The following CELF3 variants were observed in gnomAD, a reference collection of about 807,000 sequenced individuals.
The protein encoded by CELF3 is CAG repeat domain.
Under a neutral mutation model 59.6 loss-of-function variants are expected in CELF3, and 26 were observed. The ratio of observed to expected loss-of-function variants is 0.44; its 90% CI spans 0.32 to 0.61. The LOEUF is 0.61. Among genes scored for constraint, CELF3 ranks in the 20% least tolerant of loss-of-function variants. The probability of loss-of-function intolerance (pLI) is 0.06; values close to 1 mark genes in which losing one functional copy is unlikely to be tolerated. For missense variants in CELF3, 387 were observed against 627.2 expected, an observed-to-expected ratio of 0.62 and a Z score of 4.09; for synonymous variants, 245 against 250.7, an observed-to-expected ratio of 0.98 and a Z score of 0.22.
Position 151,708,995 on chromosome 1 carries a change from C to T in CELF3, c.486+3G>A. 2 of 1,613,096 alleles carry T rather than the reference C, an allele frequency of 1.2e-6. No homozygotes were observed. Among genetic ancestry groups the T allele is most frequent in the Non-Finnish European group, 1.7e-6 (2 of 1,179,754 alleles). Reference sequence around the variant, plus strand: ...GGCCCGGGGGCAGGGGAGTGGGGCTCACTGGCAGGGTCCGGCTGCTGTGAA... The same window carrying T: ...GGCCCGGGGGCAGGGGAGTGGGGCTTACTGGCAGGGTCCGGCTGCTGTGAA... On this transcript the variant is annotated splice_donor_region_variant and intron_variant, in intron 5 of 12. Coordinates refer to ENST00000290583, the MANE Select transcript of CELF3 (RefSeq NM_007185.7).
intron 12 of CELF3, 135 bp downstream of exon 12, chr1:151,704,896 A>G: frequency 1.1e-6 from 1 of 927,600 alleles, no homozygotes; most frequent in African/African-American, 1.6e-5. Flanking sequence ...CCCCTGCTTC[A>G]AGTGCCCAGG....
chr1:151,707,496 C>A lies in CELF3; in HGVS notation c.772+11G>T. 6.2e-7 allele frequency: 1 copy of A among 1,610,414 alleles called. No homozygotes were observed. ...GCTTAGCTCCCTTGCCCGGCCTTGC[C>A]CAGGCCATACCTGAGGATGGGGTGA... On this transcript the variant is annotated intron_variant, in intron 7 of 12. Coordinates refer to ENST00000290583, the MANE Select transcript of CELF3 (RefSeq NM_007185.7).
In CELF3 at chr1:151,706,673, G is replaced by A; in HGVS notation, c.984C>T (p.Tyr328=). ...LQQAYAGMQH[Y]TAAYPAAYSL... is the part of the protein sequence containing the mutation. ...GCCCTGGCTAGGGCGCCTCACCTGT[G>A]TAGTGCTGCATCCCCGCGTAGGCCT... Residue 328 remains tyrosine, a synonymous_variant, in exon 9 of 13, where the codon TAC becomes TAT. Coordinates refer to ENST00000290583, the MANE Select transcript of CELF3 (RefSeq NM_007185.7). 4 of 1,551,352 alleles carry A rather than the reference G, an allele frequency of 2.6e-6. No individual in the cohort carries two copies. Among genetic ancestry groups the A allele is most frequent in the Non-Finnish European group, 3.5e-6 (4 of 1,146,942 alleles).
At position 151,706,276 on chromosome 1, in the gene CELF3, A is replaced by T; in HGVS notation, c.1074T>A (p.Pro358=). Residue 358 remains proline, a synonymous_variant, in exon 10 of 13, where the codon CCT becomes CCA. Coordinates refer to ENST00000290583, the MANE Select transcript of CELF3 (RefSeq NM_007185.7). ...ALVAQQPPPP[P]QQQQQQQQQQ... is the part of the protein sequence containing the mutation. ...GCTGCTGCTGCTGCTGCTGCTGTTGAGGTGGTGGTGGGGGCTGCTGGGCGA... is the reference window on the plus strand; with the variant it reads ...GCTGCTGCTGCTGCTGCTGCTGTTGTGGTGGTGGTGGGGGCTGCTGGGCGA... The T allele has an allele frequency of 6.3e-7, 1 of 1,578,944 alleles. No individual in the cohort carries two copies. The highest frequency in any genetic ancestry group is 8.6e-7 in the Non-Finnish European group (1 of 1,163,656).
intron 6 of CELF3, 28 bp from the exon 7 acceptor site, chr1:151,707,676 C>T (rs748027524): frequency 1.3e-6 from 2 of 1,599,298 alleles, no homozygotes; most frequent in South Asian, 2.2e-5. Flanking sequence ...GAGAGTGGGG[C>T]AGGCCCCCTG....
chr1:151,712,225 C>T (rs569799627), intron 2 of CELF3, among the ~76,000 whole-genome samples: 7 of 152,308 alleles, frequency 4.6e-5, no homozygotes, highest in East Asian at 3.9e-4. Context: ...AGCCCTCCCT[C>T]GGGCCTCCCA....
chr1:151,707,257 G>T lies in CELF3; in HGVS notation c.810C>A (p.Val270=). ...STPPAIAATP[V]SAIPAALGVN... The stretch of plus-strand genomic sequence containing the variant: ...CGCCCAGGGCAGCCGGAATGGCAGA[G>T]ACAGGCGTGGCAGCGATGGCAGGAG... The change falls in exon 8 of 13, where the codon GTC becomes GTA. Residue 270 remains valine, a synonymous_variant. Transcript: ENST00000290583. 6.4e-7 allele frequency: 1 copy of T among 1,567,230 alleles called. No homozygotes were observed. The highest frequency in any genetic ancestry group is 8.6e-7 in the Non-Finnish European group (1 of 1,157,930).
Position 151,716,108 on chromosome 1 carries a change from G to A in CELF3, c.-88C>T. 4 of 1,374,926 alleles carry A rather than the reference G, an allele frequency of 2.9e-6. No individual in the cohort carries two copies. Among genetic ancestry groups the A allele is most frequent in the Middle Eastern group, 2.3e-4 (1 of 4,272 alleles). The allele number at this position is 1,374,926 out of a possible 1,614,324, so 85.2% of individuals were successfully genotyped here. The stretch of plus-strand genomic sequence containing the variant: ...GCCCAGCAAGGAGATAAGTGGTGGG[G>A]CCCGGGGGCCCAGCTGGGGCTGGCT... On this transcript the variant is annotated 5_prime_UTR_variant, in exon 1 of 13. Transcript: ENST00000290583.
rs1359725061 is a variant in CELF3, at chr1:151,705,991, A to G, written c.1127-26T>C. On this transcript the variant is annotated intron_variant, in intron 10 of 12. Coordinates refer to ENST00000290583, the MANE Select transcript of CELF3 (RefSeq NM_007185.7). This position sits in a 1 kb window ranked among gnomAD's most constrained non-coding sequence, Gnocchi z 5.1. Reference sequence around the variant, plus strand: ...CTGGGTGGCGACAGAGACAGAAGAAAGAGCTCAGTGACTGGGAGGCACACA... The same window carrying G: ...CTGGGTGGCGACAGAGACAGAAGAAGGAGCTCAGTGACTGGGAGGCACACA... 2 of 1,612,908 alleles carry G rather than the reference A, an allele frequency of 1.2e-6. No homozygotes were observed. The highest frequency in any genetic ancestry group is 1.7e-6 in the Non-Finnish European group (2 of 1,179,448).
At chr1:151,714,898 A>G (rs1201245414) in intron 1 of CELF3, among the ~76,000 whole-genome samples, 2 of 152,038 alleles carry the variant, frequency 1.3e-5, no homozygotes, top group Non-Finnish European at 2.9e-5. Context: ...GAGGGAGGAC[A>G]CTTGGGCTGT....
chr1:151,706,498 CAGACCCCTGGGTGTGCTGCCCTTAA>C, intron 9 of CELF3, 137 bp from the exon 10 acceptor site: 2 of 1,183,100 alleles, frequency 1.7e-6, no homozygotes, highest in East Asian at 5.1e-5. Flanking sequence ...GGAGCTGCCT[CAGACCCCTGGGTGTGCTGCCCTTAA>C]AGACCCCTCC....
chr1:151,702,797 TA>T lies in CELF3; in HGVS notation c.*661del, dbSNP rs1672179272. ...ACACAGAGGGAACCAGCAGAGACTG[TA>T]AACATTTTTAGGGGTTCAGGGGAAG... On this transcript the variant is annotated 3_prime_UTR_variant, in exon 13 of 13. Transcript: ENST00000290583. 5.1e-6 allele frequency: 1 copy of T among 197,268 alleles called. No homozygotes were observed. The highest frequency in any genetic ancestry group is 1.1e-5 in the Non-Finnish European group (1 of 93,538). The allele number at this position is 197,268 out of a possible 1,614,324, so 12.2% of individuals were successfully genotyped here. A position where few individuals can be genotyped will look rare whatever the true frequency, so the allele number is the denominator to read the frequency against.
In CELF3 at chr1:151,709,076, G is replaced by T. The variant is rs146781718; in HGVS notation, c.408C>A (p.Gly136=). Reference sequence around the variant, plus strand: ...GGGTCTGGAACTTCACGAAGGCGCAGCCTGGAGAGGTTGAGATGGAGGAGG... The same window carrying T: ...GGGTCTGGAACTTCACGAAGGCGCATCCTGGAGAGGTTGAGATGGAGGAGG... ...VLRGPDGTSK[G]CAFVKFQTHA... is the part of the protein sequence containing the mutation. The change falls in exon 5 of 13, where the codon GGC becomes GGA. Residue 136 remains glycine, a splice_region_variant and synonymous_variant. Coordinates refer to ENST00000290583, the MANE Select transcript of CELF3 (RefSeq NM_007185.7). This position sits in a 1 kb window ranked among gnomAD's most constrained non-coding sequence, Gnocchi z 4.9. 1 of 1,613,838 alleles carries T rather than the reference G, an allele frequency of 6.2e-7. No homozygotes were observed. The highest frequency in any genetic ancestry group is 8.5e-7 in the Non-Finnish European group (1 of 1,179,852).
rs74125858 is a variant in CELF3 at position 151,704,674 on chromosome 1, C to G, written c.*10+357G>C. Among the ~76,000 whole-genome samples the G allele has an allele frequency of 8.1e-3, 1,226 of 152,244 alleles. 13 individuals carry two copies. Among genetic ancestry groups the G allele is most frequent in the African/African-American group, 0.028 (1,168 of 41,524 alleles). Reference sequence around the variant, plus strand: ...CCAGTCCTGTTCCCCTAATTCCACTCTAACCCGAAGGAAAACCAGAAAGAG... The same window carrying G: ...CCAGTCCTGTTCCCCTAATTCCACTGTAACCCGAAGGAAAACCAGAAAGAG... On this transcript the variant is annotated intron_variant, in intron 12 of 12. Transcript: ENST00000290583.
In CELF3 at chr1:151,708,113, G is replaced by C. The variant is rs888749490; in HGVS notation, c.487-178C>G. 2.3e-5 allele frequency: 15 copies of C among 639,022 alleles called. 1 individual carries two copies. Among genetic ancestry groups the C allele is most frequent in the Non-Finnish European group, 3.4e-5 (13 of 386,744 alleles). The allele number at this position is 639,022 out of a possible 1,614,324, so 39.6% of individuals were successfully genotyped here. ...TTAATCCCACTCTCTCCCTATGCTA[G>C]GATGTGCAAGAGGCTAGAAGAAAAA... On this transcript the variant is annotated intron_variant, in intron 5 of 12. Coordinates refer to ENST00000290583, the MANE Select transcript of CELF3 (RefSeq NM_007185.7).
chr1:151,715,739 C>T, intron 1 of CELF3, 137 bp downstream of exon 1: 1 of 1,590,828 alleles, frequency 6.3e-7, no homozygotes, highest in Non-Finnish European at 8.5e-7. Flanking sequence ...TTCAGCTCCT[C>T]CATCCACTTT....
Position 151,706,229 on chromosome 1 carries a change from C to G in CELF3, c.1121G>C (p.Arg374Thr). The G allele has an allele frequency of 6.2e-7, 1 of 1,609,382 alleles. No homozygotes were observed. Residue 374 changes from arginine (R) to threonine (T), a missense_variant, in exon 10 of 13, where the codon AGA becomes ACA. Around this residue, in one of 3 missense-constraint regions of CELF3, gnomAD observed 131 missense variants for 153.7 expected, o/e 0.85. Transcript: ENST00000290583. The part of the protein sequence containing the change: ...QQQQQQQQQQ[R>T]EGPDGCNIFI... ...CCCAAGGCCCCAGCCAGCACCTTCT[C>G]TTTGCTGCTGCTGCTGTTGCTGCTG...
rs957548067 is a variant in CELF3 at position 151,709,133 on chromosome 1, C to T, written c.407-56G>A. On this transcript the variant is annotated intron_variant, in intron 4 of 12. Coordinates refer to ENST00000290583, the MANE Select transcript of CELF3 (RefSeq NM_007185.7). The surrounding 1 kb of genome is among the most constrained non-coding windows in gnomAD (Gnocchi z 4.9). ...GTAAGCACCCATCCCTGCGGGACCC[C>T]GCGGTGGAACCCGATGCCTAGGGAG... The T allele has an allele frequency of 1.4e-5, 22 of 1,605,776 alleles. No homozygotes were observed. Among genetic ancestry groups the T allele is most frequent in the Admixed American group, 8.4e-5 (5 of 59,814 alleles).
At position 151,702,574 on chromosome 1, in the gene CELF3, A is replaced by C. The variant is rs1279874748; in HGVS notation, c.*885T>G. On this transcript the variant is annotated 3_prime_UTR_variant, in exon 13 of 13. Transcript: ENST00000290583. ...TTTTCCCTAAAACCTCTTCCTAAAG[A>C]AAATGATCAGGTAATAAACCCCTTG... The C allele has an allele frequency of 6.7e-6, 1 of 148,908 alleles. No individual in the cohort carries two copies. Among genetic ancestry groups the C allele is most frequent in the Non-Finnish European group, 1.5e-5 (1 of 67,220 alleles). The allele number at this position is 148,908 out of a possible 1,614,324, so 9.2% of individuals were successfully genotyped here. A position where few individuals can be genotyped will look rare whatever the true frequency, so the allele number is the denominator to read the frequency against.
Sources: gnomAD v4.1 joint callset for allele counts (sites outside exome capture counted in the v4.1 genomes callset) on GRCh38, gnomAD v4.1.1 for gene constraint, gnomAD v4.1.1 regional missense constraint, Gnocchi (gnomAD v3.1) non-coding constraint, MANE v1.5 for transcripts, NCBI Gene and HGNC (gene_info 2026-07-23, HGNC 2026-07-21) for gene names.